Variants in ASIC2 observed in about 807,000 individuals in gnomAD.
ASIC2 encodes acid-sensing ion channel 2.
Under a neutral mutation model 57.3 loss-of-function variants are expected in ASIC2, and 25 were observed. The ratio of observed to expected loss-of-function variants is 0.44; its 90% CI spans 0.32 to 0.61. The LOEUF is 0.61. Among genes scored for constraint, ASIC2 ranks in the 20% least tolerant of loss-of-function variants. The probability of loss-of-function intolerance (pLI) is 0.06; values close to 1 mark genes in which losing one functional copy is unlikely to be tolerated. For missense variants in ASIC2, 641 were observed against 738.1 expected, an observed-to-expected ratio of 0.87 and a Z score of 1.52; for synonymous variants, 319 against 307.5, an observed-to-expected ratio of 1.04 and a Z score of -0.39.
chr17:33,071,448 T>C (rs1418168034), intron 3 of ASIC2, among the ~76,000 whole-genome samples: 1 of 152,250 alleles, frequency 6.6e-6, no homozygotes, highest in Admixed American at 6.5e-5. Flanking sequence ...AACAAATGTA[T>C]TCCATGTCCA....
At chr17:33,161,624 A>T (rs1315350194) in intron 1 of ASIC2, among the ~76,000 whole-genome samples, 1 of 152,016 alleles carries the variant, frequency 6.6e-6, no homozygotes, top group African/African-American at 2.4e-5. Flanking sequence ...GAGGGCTGGG[A>T]TTCTTTCAGC....
chr17:33,443,847 C>A (rs1911918690), intron 1 of ASIC2, among the ~76,000 whole-genome samples: 2 of 151,984 alleles, frequency 1.3e-5, no homozygotes, highest in African/African-American at 4.8e-5. Context: ...TCTGCAGAAC[C>A]TTTGACTCTG....
At chr17:33,782,041 G>A (rs1308719615) in intron 1 of ASIC2, among the ~76,000 whole-genome samples, 3 of 152,126 alleles carry the variant, frequency 2.0e-5, no homozygotes, top group African/African-American at 7.2e-5. Context: ...AGGCAGACTG[G>A]CTTTTATATA....
chr17:33,062,021 T>A (rs1225553098), intron 3 of ASIC2, among the ~76,000 whole-genome samples: 1 of 152,220 alleles, frequency 6.6e-6, no homozygotes, highest in Non-Finnish European at 1.5e-5. Context: ...CCTTTATCAT[T>A]TTTTATTGCG....
chr17:33,391,673 T>A (rs557952571), intron 1 of ASIC2, among the ~76,000 whole-genome samples: 2 of 152,326 alleles, frequency 1.3e-5, no homozygotes, highest in East Asian at 1.9e-4. Flanking sequence ...TTGCACTCAA[T>A]TCCCCCAATA....
chr17:33,297,510 G>A (rs1905765716), upstream of ASIC2, among the ~76,000 whole-genome samples: 1 of 152,084 alleles, frequency 6.6e-6, no homozygotes, highest in Non-Finnish European at 1.5e-5. Flanking sequence ...ATGGTGATAA[G>A]AGCCACATTA....
intron 1 of ASIC2, among the ~76,000 whole-genome samples, chr17:33,401,753 T>A (rs1181285617): frequency 6.6e-6 from 1 of 152,192 alleles, no homozygotes; most frequent in Non-Finnish European, 1.5e-5. Context: ...CTTGACAGCT[T>A]AATTAAATGC....
At chr17:33,971,006 G>T (rs1022725590) in intron 1 of ASIC2, among the ~76,000 whole-genome samples, 3 of 152,146 alleles carry the variant, frequency 2.0e-5, no homozygotes, top group African/African-American at 7.2e-5. Flanking sequence ...AGCCAAACTT[G>T]GGCGTAACAG....
Position 33,292,280 on chromosome 17 carries a change from G to T in ASIC2, c.-165C>A. ...TCCGGTGGCGCGGCATGCCCGCCCG[G>T]CGCCGCCGCTGCCGCCTCCGCGGGC... On this transcript the variant is annotated 5_prime_UTR_variant, in exon 1 of 10. Transcript: ENST00000225823. 2 of 989,162 alleles carry T rather than the reference G, an allele frequency of 2.0e-6. No homozygotes were observed. The highest frequency in any genetic ancestry group is 3.5e-5 in the African/African-American group (2 of 57,110). The allele number at this position is 989,162 out of a possible 1,614,324, so 61.3% of individuals were successfully genotyped here.
At chr17:33,466,700 C>T (rs951439700) in intron 1 of ASIC2, among the ~76,000 whole-genome samples, 1 of 152,154 alleles carries the variant, frequency 6.6e-6, no homozygotes, top group African/African-American at 2.4e-5. Context: ...CACACATCTA[C>T]AATGATCTGA....
At chr17:34,019,098 C>T (rs986056529) in intron 1 of ASIC2, among the ~76,000 whole-genome samples, 2 of 151,868 alleles carry the variant, frequency 1.3e-5, no homozygotes, top group African/African-American at 2.4e-5. Context: ...TTAGTAGAGA[C>T]GGGGTTTCGC....
intron 1 of ASIC2, among the ~76,000 whole-genome samples, chr17:34,099,791 AAAG>A (rs1567821840): frequency 0.067 from 6,734 of 99,836 alleles, 355 homozygotes; most frequent in African/African-American, 0.12. Flanking sequence ...AGAAAGAAAG[AAAG>A]AAAGAAAGAA....
intron 3 of ASIC2, among the ~76,000 whole-genome samples, chr17:33,085,500 A>C (rs2092131062): frequency 1.3e-5 from 2 of 152,370 alleles, no homozygotes; most frequent in East Asian, 3.9e-4. Context: ...GCTGGGGCTA[A>C]ATCCTCAAAA....
At chr17:33,545,737 G>T (rs1363783754) in intron 1 of ASIC2, among the ~76,000 whole-genome samples, 5 of 151,976 alleles carry the variant, frequency 3.3e-5, no homozygotes, top group Admixed American at 2.6e-4. Flanking sequence ...GAGTAATCTT[G>T]CTCCTATAAA....
Position 34,107,124 on chromosome 17 carries a change from T to C in ASIC2, c.555+48854A>G, listed in dbSNP as rs956747808. On this transcript the variant is annotated intron_variant, in intron 1 of 9. Transcript: ENST00000359872. ...CTCCAGTTCCAATCCATCCTCAGGA[T>C]TATTTTGTGACTTCTCCTGTCCCAT... Among the ~76,000 whole-genome samples the C allele has an allele frequency of 3.9e-5, 6 of 152,150 alleles. No homozygotes were observed. In the South Asian group the frequency reaches 8.3e-4, roughly 21 times the overall value.
At chr17:33,017,510 G>T in intron 8 of ASIC2, 95 bp downstream of exon 8, 2 of 1,010,152 alleles carry the variant, frequency 2.0e-6, no homozygotes, top group Non-Finnish European at 3.0e-6. Flanking sequence ...TGCATGGAGA[G>T]AGGCACCGCC....
intron 1 of ASIC2, among the ~76,000 whole-genome samples, chr17:33,750,734 A>G (rs935602757): frequency 6.6e-6 from 1 of 152,162 alleles, no homozygotes; most frequent in Non-Finnish European, 1.5e-5. Context: ...TGATTGGGCT[A>G]GGGACTCAGC....
At position 34,126,994 on chromosome 17, in the gene ASIC2, C is replaced by T. The variant is rs528144780; in HGVS notation, c.555+28984G>A. ...CCCTCCAACTCAGGACAGAGGGGTG[C>T]CCTTGAAGAGTGTCTAAGAAATTAA... On this transcript the variant is annotated intron_variant, in intron 1 of 9. Transcript: ENST00000359872. 4.6e-5 allele frequency among the ~76,000 whole-genome samples: 7 copies of T among 152,276 alleles called. No individual in the cohort carries two copies. In the South Asian group the frequency reaches 1.2e-3, roughly 27 times the overall value.
At chr17:33,388,517 C>T (rs1000137064) in intron 1 of ASIC2, among the ~76,000 whole-genome samples, 1 of 152,220 alleles carries the variant, frequency 6.6e-6, no homozygotes, top group Non-Finnish European at 1.5e-5. Flanking sequence ...TGCTTACCCT[C>T]TACCCCACTT....
Sources: allele counts gnomAD v4.1 joint callset (sites outside exome capture counted in the v4.1 genomes callset), GRCh38; gene constraint gnomAD v4.1.1; transcripts MANE v1.5; gene names NCBI Gene and HGNC (gene_info 2026-07-23, HGNC 2026-07-21).